DIAPH1: variants seen among roughly 807,000 people sequenced by gnomAD.
DIAPH1 encodes diaphanous related formin 1.
A neutral mutation model predicts 140.7 loss-of-function variants in DIAPH1; 46 were observed. The ratio of observed to expected loss-of-function variants is 0.33; its 90% CI spans 0.26 to 0.42. The LOEUF is 0.42. Among genes scored for constraint, DIAPH1 ranks in the 10% least tolerant of loss-of-function variants. DIAPH1 has a pLI of 1.00. For missense variants in DIAPH1, 1,310 were observed against 1,558.7 expected (o/e 0.84, Z 2.69); for synonymous variants, 565 against 551.6 (o/e 1.02, Z -0.34).
In DIAPH1 at chr5:141,527,631, T is replaced by TCAC. The variant is rs758024487; in HGVS notation, c.3212_3214dup (p.Arg1071_Asp1072insGly). 1 of 1,595,840 alleles carries TCAC rather than the reference T, an allele frequency of 6.3e-7. No homozygotes were observed. Among genetic ancestry groups the TCAC allele is most frequent in the South Asian group, 1.1e-5 (1 of 90,556 alleles). ...TGTGGCAGCTGGGAAATTCTGAACA[T>TCAC]CACGTTCCACATCAGAAATTTGTTT... On this transcript the variant is annotated inframe_insertion, in exon 24 of 28. Transcript: ENST00000389054.
chr5:141,599,121 A>G (rs1307394029), intron 1 of DIAPH1, among the ~76,000 whole-genome samples: 1 of 152,196 alleles, frequency 6.6e-6, no homozygotes, highest in African/African-American at 2.4e-5. Context: ...AGCCAAGCAA[A>G]AGGTAATTGG....
intron 27 of DIAPH1, chr5:141,519,086 G>T: frequency 8.2e-7 from 1 of 1,218,362 alleles, no homozygotes; most frequent in Non-Finnish European, 1.2e-6. Flanking sequence ...CCGAGACTGT[G>T]GGATTTTCAC....
Position 141,573,579 on chromosome 5 carries a change from A to G in DIAPH1, c.2271T>C (p.Val757=). The G allele has an allele frequency of 6.2e-7, 1 of 1,614,004 alleles. No homozygotes were observed. Among genetic ancestry groups the G allele is most frequent in the Non-Finnish European group, 8.5e-7 (1 of 1,179,988 alleles). ...MPPPPPFGFG[V]PAAPVLPFGL... is the part of the protein sequence containing the mutation. ...CAAATGGCAGAACTGGGGCTGCAGG[A>G]ACTCCAAATCCAAATGGGGGAGGTG... The change falls in exon 16 of 28, where the codon GTT becomes GTC. Residue 757 remains valine (V), a synonymous_variant. Transcript: ENST00000389054.
intron 1 of DIAPH1, among the ~76,000 whole-genome samples, chr5:141,605,616 A>G (rs2099900800): frequency 6.6e-6 from 1 of 152,254 alleles, no homozygotes; most frequent in South Asian, 2.1e-4. Flanking sequence ...ACTGAGAAGA[A>G]TATTAGTGGA....
At chr5:141,617,584 G>A (rs1257832485) in intron 1 of DIAPH1, among the ~76,000 whole-genome samples, 1 of 152,160 alleles carries the variant, frequency 6.6e-6, no homozygotes, top group Non-Finnish European at 1.5e-5. Flanking sequence ...AGAGTTACAA[G>A]CCATTTGTTT....
At position 141,515,147 on chromosome 5, in the gene DIAPH1, CTTTTT is replaced by C. The variant is rs996518844; in HGVS notation, c.*1699_*1703del. ...GTCCCTCACACCTCTCTCTCTCTCT[CTTTTT>C]TTTTATTAAATGCATCTTAGCAAAA... On this transcript the variant is annotated 3_prime_UTR_variant, in exon 28 of 28. Transcript: ENST00000389054. The C allele has an allele frequency of 6.6e-6, 1 of 151,496 alleles. No individual in the cohort carries two copies. The highest frequency in any genetic ancestry group is 2.4e-5 in the African/African-American group (1 of 41,082). 9.4% of individuals were successfully genotyped at this position (151,496 alleles called of 1,614,324 possible). A position where few individuals can be genotyped will look rare whatever the true frequency, so the allele number is the denominator to read the frequency against.
chr5:141,527,437 A>T, intron 24 of DIAPH1, 136 bp downstream of exon 24: 1 of 969,404 alleles, frequency 1.0e-6, no homozygotes, highest in Non-Finnish European at 1.5e-6. Context: ...AAACCCAAAA[A>T]ACTATGTATT....
chr5:141,578,947 C>T, intron 9 of DIAPH1, 141 bp downstream of exon 9: 1 of 780,912 alleles, frequency 1.3e-6, no homozygotes, highest in Non-Finnish European at 2.3e-6. Context: ...GAAGGTTAAT[C>T]ATTTTCCCTT....
At chr5:141,538,870 T>C (rs1218128441) in intron 18 of DIAPH1, among the ~76,000 whole-genome samples, 1 of 152,196 alleles carries the variant, frequency 6.6e-6, no homozygotes, top group Non-Finnish European at 1.5e-5. Flanking sequence ...ACCCAGTCAA[T>C]AGTTTTTCAT....
intron 1 of DIAPH1, among the ~76,000 whole-genome samples, chr5:141,593,025 G>A (rs2099898734): frequency 6.6e-6 from 1 of 152,194 alleles, no homozygotes; most frequent in Admixed American, 6.5e-5. Flanking sequence ...AAGAGCAACT[G>A]CAAATTTTGA....
At chr5:141,591,060 A>G (rs948903635) in intron 1 of DIAPH1, among the ~76,000 whole-genome samples, 1 of 152,184 alleles carries the variant, frequency 6.6e-6, no homozygotes, top group African/African-American at 2.4e-5. Context: ...TGTGCATGGC[A>G]TATGACTCTC....
chr5:141,603,998 G>A (rs1035468), intron 1 of DIAPH1, among the ~76,000 whole-genome samples: 25,541 of 152,158 alleles, frequency 0.17, 3,729 homozygotes, highest in African/African-American at 0.4. Context: ...AAACCGGGCT[G>A]AGGATGCTGC....
intron 18 of DIAPH1, among the ~76,000 whole-genome samples, chr5:141,548,265 G>A (rs1164530358): frequency 7.0e-6 from 1 of 143,242 alleles, no homozygotes; most frequent in Non-Finnish European, 1.5e-5. Context: ...CAATAAGACT[G>A]ACAGTGGAAT....
chr5:141,607,422 C>G (rs1033804405), intron 1 of DIAPH1, among the ~76,000 whole-genome samples: 1 of 152,170 alleles, frequency 6.6e-6, no homozygotes. Flanking sequence ...ATAAACTTAA[C>G]TTTTTAAACT....
intron 11 of DIAPH1, 140 bp downstream of exon 11, chr5:141,578,085 C>A: frequency 1.3e-6 from 1 of 778,596 alleles, no homozygotes; most frequent in South Asian, 1.4e-5. Context: ...TAAAAATACA[C>A]CTGCCTTATT....
chr5:141,590,021 G>A (rs2099898158), intron 1 of DIAPH1, among the ~76,000 whole-genome samples: 1 of 151,922 alleles, frequency 6.6e-6, no homozygotes, highest in Non-Finnish European at 1.5e-5. Context: ...GAGTAGCTGG[G>A]ATTGCAGGTG....
intron 1 of DIAPH1, among the ~76,000 whole-genome samples, chr5:141,599,321 C>T (rs2099899787): frequency 2.0e-5 from 3 of 152,314 alleles, no homozygotes; most frequent in African/African-American, 4.8e-5. Context: ...AATATAAACC[C>T]ACACTGTAAG....
intron 18 of DIAPH1, among the ~76,000 whole-genome samples, chr5:141,551,712 C>A (rs1324327360): frequency 6.6e-6 from 1 of 152,072 alleles, no homozygotes; most frequent in African/African-American, 2.4e-5. Flanking sequence ...ATGCCTACTC[C>A]ATAAAGTGAG....
intron 1 of DIAPH1, among the ~76,000 whole-genome samples, chr5:141,590,741 T>A (rs1465058728): frequency 3.5e-5 from 5 of 143,464 alleles, no homozygotes; most frequent in Non-Finnish European, 7.6e-5. Context: ...AGCTTAAGTT[T>A]AAAAAAAAAA....
Sources: allele counts gnomAD v4.1 joint callset (sites outside exome capture counted in the v4.1 genomes callset), GRCh38; gene constraint gnomAD v4.1.1; transcripts MANE v1.5; gene names NCBI Gene and HGNC (gene_info 2026-07-23, HGNC 2026-07-21).